Variants in MAGI2 observed in about 807,000 individuals in gnomAD.
MAGI2 encodes membrane associated guanylate kinase, WW and PDZ domain containing 2, also known as membrane-associated guanylate kinase, WW and PDZ domain-containing protein 2.
In MAGI2, 35 loss-of-function variants were observed where a neutral mutation model predicts 133.3. The observed-to-expected ratio is 0.26, with a 90% CI of 0.20 to 0.35. The LOEUF is 0.35. Ranked by LOEUF, MAGI2 falls within the 10% of genes least tolerant of loss-of-function variation. The probability of loss-of-function intolerance (pLI) is 1.00; values close to 1 mark genes in which losing one functional copy is unlikely to be tolerated. For missense variants in MAGI2, 1,636 were observed against 1,863.4 expected, an observed-to-expected ratio of 0.88 and a Z score of 2.25; for synonymous variants, 729 against 710.6, an observed-to-expected ratio of 1.03 and a Z score of -0.41.
At position 78,162,432 on chromosome 7, in the gene MAGI2, G is replaced by A. The variant is rs369841729; in HGVS notation, c.2597-2159C>T. On this transcript the variant is annotated intron_variant, in intron 15 of 21. Coordinates refer to ENST00000354212, the MANE Select transcript of MAGI2 (RefSeq NM_012301.4). ...CCCAGCTACTCGGGAGGCTGAGGCA[G>A]GAGAATTGCGTGAACCCGGGAGGCA... is the stretch of plus-strand genomic sequence containing the variant. Among the ~76,000 whole-genome samples, 12 of 151,548 alleles carry A rather than the reference G, an allele frequency of 7.9e-5. No individual in the cohort carries two copies. In the South Asian group the frequency reaches 2.5e-3, roughly 32 times the overall value.
chr7:78,641,301 C>T (rs1810281062), intron 2 of MAGI2, among the ~76,000 whole-genome samples: 1 of 152,122 alleles, frequency 6.6e-6, no homozygotes, highest in Non-Finnish European at 1.5e-5. Context: ...CATTTAGATC[C>T]AAACTATTCC....
At chr7:78,172,815 G>T (rs557394519) in intron 14 of MAGI2, among the ~76,000 whole-genome samples, 1 of 152,224 alleles carries the variant, frequency 6.6e-6, no homozygotes, top group South Asian at 2.1e-4. Flanking sequence ...CATTTTGTTT[G>T]TTATCTCTGG....
rs561717092 is a variant in MAGI2 at position 78,250,690 on chromosome 7, CA to C, written c.2047+5252del. ...AAATTTCTAGAAATACATAAATTAC[CA>C]AAACTGATTTAAGAAGAAAACATTA... On this transcript the variant is annotated intron_variant, in intron 10 of 21. Transcript: ENST00000354212. 1.4e-3 allele frequency among the ~76,000 whole-genome samples: 217 copies of C among 151,850 alleles called. 1 individual carries two copies. Among genetic ancestry groups the C allele is most frequent in the African/African-American group, 4.9e-3 (203 of 41,466 alleles).
Position 79,443,142 on chromosome 7 carries a change from G to A in MAGI2, c.301+9878C>T, listed in dbSNP as rs374442183. ...CAAAAATTAGCCGGGTGTGATGGTG[G>A]GTGCCTGTAGACCCAGCTACTTGGG... On this transcript the variant is annotated intron_variant, in intron 1 of 21. Coordinates refer to ENST00000354212, the MANE Select transcript of MAGI2 (RefSeq NM_012301.4). Among the ~76,000 whole-genome samples the A allele has an allele frequency of 2.6e-5, 4 of 151,916 alleles. No homozygotes were observed. In the East Asian group the frequency reaches 7.7e-4, roughly 29 times the overall value.
At chr7:78,324,912 G>T (rs1338125218) in intron 9 of MAGI2, among the ~76,000 whole-genome samples, 1 of 152,162 alleles carries the variant, frequency 6.6e-6, no homozygotes, top group Admixed American at 6.5e-5. Flanking sequence ...GTTGCAGTGA[G>T]CCAAGATCGC....
rs560804314 is a variant in MAGI2 at position 78,723,380 on chromosome 7, C to T, written c.419-96141G>A. On this transcript the variant is annotated intron_variant, in intron 2 of 21. Transcript: ENST00000354212. ...GCCCTAACACATTTGTAAGTGTGGG[C>T]AGAGGCCTAGGAATTTGCATATTTA... is the stretch of plus-strand genomic sequence containing the variant. 9.2e-5 allele frequency among the ~76,000 whole-genome samples: 14 copies of T among 152,206 alleles called. No homozygotes were observed. In the South Asian group the frequency reaches 2.7e-3, roughly 29 times the overall value.
At chr7:78,571,953 C>T (rs941557675) in intron 3 of MAGI2, among the ~76,000 whole-genome samples, 10 of 152,232 alleles carry the variant, frequency 6.6e-5, no homozygotes, top group African/African-American at 2.4e-4. Context: ...TCTGATATGG[C>T]AAAGTCCTGG....
At chr7:78,930,539 A>G (rs1374594648) in intron 2 of MAGI2, among the ~76,000 whole-genome samples, 2 of 152,088 alleles carry the variant, frequency 1.3e-5, no homozygotes, top group African/African-American at 4.8e-5. Context: ...CAAATCCCCA[A>G]CAAAGGCTAG....
In MAGI2 at chr7:79,101,734, AAAAAAAG is replaced by A. The variant is rs1480104250; in HGVS notation, c.302-94535_302-94529del. Reference sequence around the variant, plus strand: ...GCAAGACTCTGTCACAAAAAAAAAAAAAAAAAGAAAAAAGAAAAAGGAAAATGGACTA... The same window carrying A: ...GCAAGACTCTGTCACAAAAAAAAAAAAAAAAAGAAAAAGGAAAATGGACTA... On this transcript the variant is annotated intron_variant, in intron 1 of 21. Transcript: ENST00000354212. Among the ~76,000 whole-genome samples, 33 of 151,048 alleles carry A rather than the reference AAAAAAAG, an allele frequency of 2.2e-4. No homozygotes were observed. The East Asian group carries it at 2.5e-3, about 12-fold the overall frequency.
intron 1 of MAGI2, among the ~76,000 whole-genome samples, chr7:79,137,030 T>C (rs936754387): frequency 6.6e-6 from 1 of 152,088 alleles, no homozygotes; most frequent in Non-Finnish European, 1.5e-5. Context: ...TTGCTCTTGT[T>C]GCCCAGGCTG....
intron 2 of MAGI2, among the ~76,000 whole-genome samples, chr7:78,659,262 A>G (rs1326828090): frequency 6.6e-6 from 1 of 151,920 alleles, no homozygotes; most frequent in Non-Finnish European, 1.5e-5. Flanking sequence ...CATCCTGGTT[A>G]ACATGATGAA....
chr7:78,967,311 GTATTGAGT>G (rs1803402072), intron 2 of MAGI2, among the ~76,000 whole-genome samples: 1 of 151,912 alleles, frequency 6.6e-6, no homozygotes, highest in African/African-American at 2.4e-5. Context: ...TGTTTATGTG[GTATTGAGT>G]TGTAGGAGTT....
At chr7:79,326,625 C>A (rs1319067276) in intron 1 of MAGI2, among the ~76,000 whole-genome samples, 7 of 151,132 alleles carry the variant, frequency 4.6e-5, no homozygotes, top group Non-Finnish European at 8.8e-5. Context: ...AAATATTAGT[C>A]ATTCAGAGCA....
chr7:79,305,154 G>T (rs970758007), intron 1 of MAGI2, among the ~76,000 whole-genome samples: 1 of 152,192 alleles, frequency 6.6e-6, no homozygotes, highest in African/African-American at 2.4e-5. Flanking sequence ...TTGGTTAAGA[G>T]CTGTCAGTTC....
chr7:78,225,538 GGTTTTACCAGAAAAAT>G (rs1195782385), intron 10 of MAGI2, among the ~76,000 whole-genome samples: 38 of 151,936 alleles, frequency 2.5e-4, no homozygotes, highest in Non-Finnish European at 4.9e-4. Flanking sequence ...GTAAAGATGG[GGTTTTACCAGAAAAAT>G]GTTTTGAGCA....
intron 2 of MAGI2, among the ~76,000 whole-genome samples, chr7:78,674,635 A>G (rs1420956198): frequency 6.6e-6 from 1 of 152,176 alleles, no homozygotes; most frequent in Non-Finnish European, 1.5e-5. Context: ...TAACTCTGGG[A>G]AGATGAGTTA....
intron 1 of MAGI2, among the ~76,000 whole-genome samples, chr7:79,224,676 G>A (rs1370319515): frequency 1.3e-5 from 2 of 150,904 alleles, no homozygotes; most frequent in Non-Finnish European, 2.9e-5. Flanking sequence ...CAACATGGGT[G>A]ACTCTCATAT....
intron 2 of MAGI2, among the ~76,000 whole-genome samples, chr7:78,863,524 C>A (rs965924304): frequency 6.6e-6 from 1 of 152,214 alleles, no homozygotes; most frequent in Non-Finnish European, 1.5e-5. Context: ...GCGAGGACAG[C>A]ACCCAGCTAT....
chr7:78,688,109 A>G (rs2529745), intron 2 of MAGI2, among the ~76,000 whole-genome samples: 151,641 of 152,176 alleles, frequency 1, 75,556 homozygotes, highest in East Asian at 1. Flanking sequence ...ATTAAAGAGT[A>G]TGTAGCTTTG....
Sources: gnomAD v4.1 joint callset for allele counts (sites outside exome capture counted in the v4.1 genomes callset) on GRCh38, gnomAD v4.1.1 for gene constraint, MANE v1.5 for transcripts, NCBI Gene and HGNC (gene_info 2026-07-23, HGNC 2026-07-21) for gene names.